The following DLGAP2 variants were observed in gnomAD, a reference collection of about 807,000 sequenced individuals.
DLGAP2 encodes the protein DLG associated protein 2.
A neutral mutation model predicts 100.3 loss-of-function variants in DLGAP2; 26 were observed. The observed-to-expected ratio is 0.26, with a 90% CI of 0.19 to 0.36. The LOEUF (loss-of-function observed/expected upper bound fraction) is 0.36. Among genes scored for constraint, DLGAP2 ranks in the 10% least tolerant of loss-of-function variants. The pLI, the probability that DLGAP2 is intolerant of heterozygous loss-of-function variation, is 1.00. For synonymous variants in DLGAP2, 886 were observed against 630.1 expected (o/e 1.41, Z -6.08); for missense variants, 1,858 against 1,453.2 (o/e 1.28, Z -4.53).
chr8:1,220,954 G>T (rs1488224046), intron 2 of DLGAP2, among the ~76,000 whole-genome samples: 4 of 152,100 alleles, frequency 2.6e-5, no homozygotes, highest in Non-Finnish European at 5.9e-5. Context: ...TTGCTTGATA[G>T]ATCTTTCTCC....
intron 2 of DLGAP2, among the ~76,000 whole-genome samples, chr8:1,225,904 A>C (rs998980826): frequency 6.6e-6 from 1 of 152,244 alleles, no homozygotes; most frequent in Non-Finnish European, 1.5e-5. Context: ...ATGTATGCAT[A>C]TATCAAAACA....
rs1275200351 is a variant in DLGAP2, at chr8:1,237,270, ATC to A, written c.74-21574_74-21573del. 2.6e-3 allele frequency among the ~76,000 whole-genome samples: 265 copies of A among 102,038 alleles called. 10 individuals carry two copies. Among genetic ancestry groups the A allele is most frequent in the African/African-American group, 9.9e-3 (220 of 22,306 alleles). The allele number at this position is 102,038 out of a possible 152,430, so 66.9% of individuals were successfully genotyped here. On this transcript the variant is annotated intron_variant, in intron 2 of 14. Coordinates refer to ENST00000637795, the MANE Select transcript of DLGAP2 (RefSeq NM_001346810.2). The stretch of plus-strand genomic sequence containing the variant: ...CTCTCTCACATGGTGCTATGTCTAG[ATC>A]TCTCTCACACATAGCGTCATGTCTA...
intron 3 of DLGAP2, among the ~76,000 whole-genome samples, chr8:1,292,186 G>T (rs1386377747): frequency 1.3e-5 from 2 of 152,194 alleles, no homozygotes; most frequent in Non-Finnish European, 2.9e-5. Flanking sequence ...CTTTGCTCAT[G>T]CACCCCCTCC....
chr8:765,232 C>A (rs796445872), intron 1 of DLGAP2, among the ~76,000 whole-genome samples: 1 of 152,098 alleles, frequency 6.6e-6, no homozygotes, highest in African/African-American at 2.4e-5. Flanking sequence ...TACAAAAAAA[C>A]CCTAATATGA....
chr8:981,271 A>T (rs1488616819), intron 2 of DLGAP2, among the ~76,000 whole-genome samples: 1 of 152,154 alleles, frequency 6.6e-6, no homozygotes, highest in African/African-American at 2.4e-5. Flanking sequence ...TCTGGGGCTG[A>T]GTTGCCCCTC....
chr8:1,634,864 A>G (rs535461174), intron 8 of DLGAP2, among the ~76,000 whole-genome samples: 1 of 152,328 alleles, frequency 6.6e-6, no homozygotes, highest in African/African-American at 2.4e-5. Context: ...TTATATATAT[A>G]CAATGTTTAC....
intron 3 of DLGAP2, among the ~76,000 whole-genome samples, chr8:1,500,264 C>G (rs1407880435): frequency 6.6e-6 from 1 of 152,276 alleles, no homozygotes; most frequent in Non-Finnish European, 1.5e-5. Flanking sequence ...ACACCACTCA[C>G]TGTGGCTGGT....
intron 3 of DLGAP2, among the ~76,000 whole-genome samples, chr8:1,459,393 G>T (rs965423433): frequency 6.6e-5 from 10 of 152,176 alleles, no homozygotes; most frequent in Admixed American, 2.0e-4. Flanking sequence ...TATTTTAAGC[G>T]CCACGTTCAG....
At chr8:1,007,728 C>T (rs187595882) in intron 2 of DLGAP2, among the ~76,000 whole-genome samples, 187 of 152,052 alleles carry the variant, frequency 1.2e-3, no homozygotes, top group Middle Eastern at 3.4e-3. Context: ...TGGAAACCTT[C>T]ATATAAGGAA....
intron 1 of DLGAP2, among the ~76,000 whole-genome samples, chr8:829,351 T>C (rs955272547): frequency 6.6e-6 from 1 of 152,206 alleles, no homozygotes; most frequent in African/African-American, 2.4e-5. Context: ...TCATCACCCA[T>C]GAAGGTGACA....
chr8:1,146,697 A>AG (rs950391429), intron 2 of DLGAP2, among the ~76,000 whole-genome samples: 84 of 151,872 alleles, frequency 5.5e-4, no homozygotes, highest in African/African-American at 1.9e-3. Context: ...GTGTAGGGAG[A>AG]GGGGGGGCTA....
At chr8:846,924 A>G (rs769307469) in intron 1 of DLGAP2, among the ~76,000 whole-genome samples, 1 of 152,202 alleles carries the variant, frequency 6.6e-6, no homozygotes, top group Non-Finnish European at 1.5e-5. Context: ...ATCTTCAGAC[A>G]TGATACTAGC....
intron 3 of DLGAP2, among the ~76,000 whole-genome samples, chr8:1,308,189 G>T (rs747976764): frequency 6.6e-6 from 1 of 152,226 alleles, no homozygotes. Context: ...AGGACAGAAC[G>T]CCTGCAGAGA....
At chr8:766,211 A>C (rs988604625) in intron 1 of DLGAP2, among the ~76,000 whole-genome samples, 4 of 152,192 alleles carry the variant, frequency 2.6e-5, no homozygotes, top group African/African-American at 9.7e-5. Context: ...CACAACTCAC[A>C]TACATGCAAT....
intron 1 of DLGAP2, among the ~76,000 whole-genome samples, chr8:903,410 T>C (rs970122026): frequency 3.9e-5 from 6 of 152,102 alleles, no homozygotes; most frequent in African/African-American, 1.4e-4. Context: ...GTCAGCTCAA[T>C]ACATGTGCAA....
chr8:1,203,385 C>A lies in DLGAP2; in HGVS notation c.74-55466C>A, dbSNP rs568792362. On this transcript the variant is annotated intron_variant, in intron 2 of 14. Transcript: ENST00000637795. ...ATGAGACTGGCGTGTCCTTCGGTGA[C>A]GAGGCCGCCCACCCTTCGGTGTTAG... 2.0e-5 allele frequency among the ~76,000 whole-genome samples: 3 copies of A among 151,466 alleles called. 1 individual carries two copies. The highest frequency in any genetic ancestry group is 7.2e-5 in the African/African-American group (3 of 41,390).
chr8:964,638 C>G (rs1799803107), intron 2 of DLGAP2, among the ~76,000 whole-genome samples: 1 of 152,252 alleles, frequency 6.6e-6, no homozygotes, highest in South Asian at 2.1e-4. Context: ...CCTCGGCCTC[C>G]TAATGTTCCT....
At chr8:952,593 C>G (rs748844047) in intron 2 of DLGAP2, among the ~76,000 whole-genome samples, 29 of 151,958 alleles carry the variant, frequency 1.9e-4, no homozygotes, top group Non-Finnish European at 2.9e-4. Flanking sequence ...GCTGAGATCA[C>G]GCCACTGTAC....
chr8:1,490,476 G>T (rs1410006712), intron 3 of DLGAP2, among the ~76,000 whole-genome samples: 1 of 152,198 alleles, frequency 6.6e-6, no homozygotes, highest in Non-Finnish European at 1.5e-5. Flanking sequence ...TATCCAGAAA[G>T]CATGTTGTGT....
Sources: allele counts gnomAD v4.1 joint callset (sites outside exome capture counted in the v4.1 genomes callset), GRCh38; gene constraint gnomAD v4.1.1; transcripts MANE v1.5; gene names NCBI Gene and HGNC (gene_info 2026-07-23, HGNC 2026-07-21).